The following REV1 variants were observed in gnomAD, a reference collection of about 807,000 sequenced individuals.
REV1 encodes REV1 DNA directed polymerase, also known as translesion synthesis protein REV1.
In REV1, 42 loss-of-function variants were observed where a neutral mutation model predicts 137.4. The ratio of observed to expected loss-of-function variants is 0.31; its 90% CI spans 0.24 to 0.40. The LOEUF (loss-of-function observed/expected upper bound fraction) is 0.40. REV1 is among the 10% of genes least tolerant of loss of function. REV1 has a pLI of 1.00. For synonymous variants in REV1, 524 were observed against 519.2 expected (o/e 1.01, Z -0.12); for missense variants, 1,282 against 1,490.1 (o/e 0.86, Z 2.30).
At chr2:99,466,535 C>A (rs1251695766) in intron 1 of REV1, among the ~76,000 whole-genome samples, 2 of 152,218 alleles carry the variant, frequency 1.3e-5, no homozygotes, top group Non-Finnish European at 2.9e-5. Flanking sequence ...AGCCACCATG[C>A]CTGGCCAGCA....
chr2:99,433,988 T>C (rs1680428803), intron 8 of REV1, among the ~76,000 whole-genome samples: 2 of 152,152 alleles, frequency 1.3e-5, no homozygotes, highest in Non-Finnish European at 2.9e-5. Context: ...CTCATACAAA[T>C]CTTGAGCAAG....
intron 4 of REV1, among the ~76,000 whole-genome samples, chr2:99,444,237 T>C (rs1402172920): frequency 6.6e-6 from 1 of 152,240 alleles, no homozygotes; most frequent in African/African-American, 2.4e-5. Context: ...ACTTAATACC[T>C]GAAATAAAAT....
At chr2:99,459,953 C>T (rs1205799212) in intron 3 of REV1, among the ~76,000 whole-genome samples, 1 of 152,106 alleles carries the variant, frequency 6.6e-6, no homozygotes, top group Non-Finnish European at 1.5e-5. Flanking sequence ...TGGATTATTA[C>T]AGTTTGTGGG....
chr2:99,416,758 CA>C (rs1160642578), intron 12 of REV1, among the ~76,000 whole-genome samples: 1 of 151,394 alleles, frequency 6.6e-6, no homozygotes, highest in Non-Finnish European at 1.5e-5. Flanking sequence ...ACTAAAAATA[CA>C]AAAAATTAGC....
intron 3 of REV1, among the ~76,000 whole-genome samples, chr2:99,460,183 T>A (rs947342324): frequency 6.6e-6 from 1 of 152,196 alleles, no homozygotes; most frequent in Non-Finnish European, 1.5e-5. Flanking sequence ...TTCAAGTGAT[T>A]CTCCTGCCTC....
At chr2:99,421,863 A>T (rs1197721702) in intron 10 of REV1, among the ~76,000 whole-genome samples, 1 of 152,220 alleles carries the variant, frequency 6.6e-6, no homozygotes, top group Admixed American at 6.5e-5. Context: ...ACCAAAATAC[A>T]GCATATTGGA....
chr2:99,442,363 G>A lies in REV1; in HGVS notation c.457C>T (p.Pro153Ser). The change falls in exon 5 of 23, where the codon CCT becomes TCT. Residue 153 changes from proline (P) to serine (S), a missense_variant. This residue lies in a region of REV1 where 432 missense variants were observed against 438.0 expected (regional missense o/e 0.99). Coordinates refer to ENST00000258428, the MANE Select transcript of REV1 (RefSeq NM_016316.4). ...GCTATATTGCTTGGACCTGGCAGAG[G>A]ATCCTCAGGTCTGCATACAGGATTA... ...SFNPVCRPED[P>S]LPGPSNIAKQ... 6.2e-7 allele frequency: 1 copy of A among 1,613,356 alleles called. No individual in the cohort carries two copies. Among genetic ancestry groups the A allele is most frequent in the Non-Finnish European group, 8.5e-7 (1 of 1,179,742 alleles).
intron 1 of REV1, among the ~76,000 whole-genome samples, chr2:99,474,183 C>G (rs1239719255): frequency 6.6e-6 from 1 of 152,124 alleles, no homozygotes; most frequent in Non-Finnish European, 1.5e-5. Flanking sequence ...CCTTTCACTT[C>G]TGAAGTATCC....
intron 1 of REV1, among the ~76,000 whole-genome samples, chr2:99,476,512 C>T (rs769459854): frequency 7.2e-5 from 11 of 151,742 alleles, no homozygotes; most frequent in East Asian, 5.8e-4. Context: ...GCCCAGATTG[C>T]GCCATTGCAC....
rs373850478 is a variant in REV1 at position 99,454,550 on chromosome 2, C to CAAAA, written c.182-5050_182-5047dup. Among the ~76,000 whole-genome samples, 157 of 82,336 alleles carry CAAAA rather than the reference C, an allele frequency of 1.9e-3. 1 individual carries two copies. The highest frequency in any genetic ancestry group is 2.3e-3 in the Non-Finnish European group (104 of 44,312). 54.0% of individuals were successfully genotyped at this position (82,336 alleles called of 152,430 possible). A position where few individuals can be genotyped will look rare whatever the true frequency, so the allele number is the denominator to read the frequency against. Reference sequence around the variant, plus strand: ...GGGCAACAAGAGTGAAACTCCAGCTCAAAAAAAAAAAAAAAAAAAAAAAAA... The same window carrying CAAAA: ...GGGCAACAAGAGTGAAACTCCAGCTCAAAAAAAAAAAAAAAAAAAAAAAAAAAAA... On this transcript the variant is annotated intron_variant, in intron 3 of 22. Coordinates refer to ENST00000258428, the MANE Select transcript of REV1 (RefSeq NM_016316.4).
At chr2:99,427,615 C>A (rs1025365938) in intron 9 of REV1, among the ~76,000 whole-genome samples, 1 of 152,128 alleles carries the variant, frequency 6.6e-6, no homozygotes, top group African/African-American at 2.4e-5. Flanking sequence ...TTCTCTTATG[C>A]AAATTGTTAA....
chr2:99,438,767 A>C lies in REV1; in HGVS notation c.1047T>G (p.Ile349Met), dbSNP rs1317445886. 2 of 1,614,254 alleles carry C rather than the reference A, an allele frequency of 1.2e-6. No homozygotes were observed. Among genetic ancestry groups the C allele is most frequent in the Admixed American group, 3.3e-5 (2 of 60,030 alleles). ...VPSKPSDCNF[I>M]SNFYSHSRLH... ...GTCTTGAATGAGAATAGAAGTTTGA[A>C]ATAAAATTGCAGTCTGAAGGTTTGG... Residue 349 changes from isoleucine to methionine, a missense_variant, in exon 6 of 23, where the codon ATT (isoleucine) becomes ATG (methionine). By Grantham distance (10) the Ile-to-Met change is conservative. Coordinates refer to ENST00000258428, the MANE Select transcript of REV1 (RefSeq NM_016316.4).
rs1675223822 is a variant in REV1, at chr2:99,400,516, A to T, written c.*725T>A. 6.6e-6 allele frequency: 1 copy of T among 152,250 alleles called. No homozygotes were observed. The highest frequency in any genetic ancestry group is 2.4e-5 in the African/African-American group (1 of 41,466). 9.4% of individuals were successfully genotyped at this position (152,250 alleles called of 1,614,324 possible). ...TTTTATTTTAAAGTTATGGCATAAC[A>T]TATAACATAAAAATATTTTATATAC... On this transcript the variant is annotated 3_prime_UTR_variant, in exon 23 of 23. Coordinates refer to ENST00000258428, the MANE Select transcript of REV1 (RefSeq NM_016316.4).
At chr2:99,402,091 T>A (rs1055242658) in intron 22 of REV1, among the ~76,000 whole-genome samples, 153 bp downstream of exon 22, 7 of 152,220 alleles carry the variant, frequency 4.6e-5, no homozygotes, top group Non-Finnish European at 1.0e-4. Context: ...GGAACCTTAT[T>A]TGCTACTTAG....
chr2:99,419,044 A>G, intron 11 of REV1, 97 bp from the exon 12 acceptor site: 1 of 1,011,044 alleles, frequency 9.9e-7, no homozygotes. Flanking sequence ...AAGTTTCTAA[A>G]AACAATGAAA....
intron 4 of REV1, among the ~76,000 whole-genome samples, chr2:99,448,012 A>C (rs1682445118): frequency 6.6e-6 from 1 of 152,174 alleles, no homozygotes; most frequent in Non-Finnish European, 1.5e-5. Context: ...AAAGTTTCTA[A>C]AATTATACCA....
intron 16 of REV1, 65 bp from the exon 17 acceptor site, chr2:99,406,171 C>G: frequency 1.4e-6 from 2 of 1,419,786 alleles, no homozygotes; most frequent in Non-Finnish European, 1.9e-6. Context: ...AATCCTCTGT[C>G]CATTACAAAT....
chr2:99,476,669 G>A (rs956594290), intron 1 of REV1, among the ~76,000 whole-genome samples: 5 of 152,166 alleles, frequency 3.3e-5, no homozygotes, highest in African/African-American at 1.2e-4. Flanking sequence ...AGGGCTTTGA[G>A]CCATGTATTA....
At chr2:99,480,338 A>G (rs1352048457) in intron 1 of REV1, among the ~76,000 whole-genome samples, 1 of 152,204 alleles carries the variant, frequency 6.6e-6, no homozygotes, top group African/African-American at 2.4e-5. Flanking sequence ...AAATACAAAA[A>G]GATGTTTAGG....
Sources: gnomAD v4.1 joint callset for allele counts (sites outside exome capture counted in the v4.1 genomes callset) on GRCh38, gnomAD v4.1.1 for gene constraint, gnomAD v4.1.1 regional missense constraint, MANE v1.5 for transcripts, NCBI Gene and HGNC (gene_info 2026-07-23, HGNC 2026-07-21) for gene names.